PRKCB: variants seen among roughly 807,000 people sequenced by gnomAD.
PRKCB encodes the protein protein kinase C beta.
PRKCB carries 13 observed loss-of-function variants against 81.5 expected under a neutral mutation model. The observed-to-expected ratio is 0.16, with a 90% CI of 0.10 to 0.25. PRKCB has a LOEUF of 0.25. Ranked by LOEUF, PRKCB falls within the 10% of genes least tolerant of loss-of-function variation. The probability of loss-of-function intolerance (pLI) is 1.00; values close to 1 mark genes in which losing one functional copy is unlikely to be tolerated. For missense variants in PRKCB, 509 were observed against 875.7 expected, an observed-to-expected ratio of 0.58 and a Z score of 5.29; for synonymous variants, 335 against 321.4, an observed-to-expected ratio of 1.04 and a Z score of -0.45.
At chr16:23,929,956 C>T (rs1049996437) in intron 2 of PRKCB, among the ~76,000 whole-genome samples, 2 of 151,784 alleles carry the variant, frequency 1.3e-5, no homozygotes, top group African/African-American at 2.4e-5. Context: ...CCGGGACCCC[C>T]GAAAAAATCT....
chr16:24,189,800 A>G (rs1024887323), intron 15 of PRKCB, among the ~76,000 whole-genome samples: 9 of 152,242 alleles, frequency 5.9e-5, no homozygotes, highest in African/African-American at 2.2e-4. Context: ...ACTGTCCAAC[A>G]GTGTAGGAAT....
chr16:24,175,240 G>T (rs11649514), intron 12 of PRKCB, among the ~76,000 whole-genome samples: 10,223 of 152,136 alleles, frequency 0.067, 436 homozygotes, highest in South Asian at 0.12. Flanking sequence ...GGGCTGGTTT[G>T]TTATGCAAGA....
At chr16:23,902,243 A>G (rs1345259475) in intron 2 of PRKCB, among the ~76,000 whole-genome samples, 11 of 152,152 alleles carry the variant, frequency 7.2e-5, no homozygotes, top group Non-Finnish European at 1.6e-4. Flanking sequence ...CAAGAAGACA[A>G]TGAAAAAACA....
At chr16:24,111,442 T>A (rs570113140) in intron 7 of PRKCB, 8 of 152,000 alleles carry the variant, frequency 5.3e-5, no homozygotes, top group Non-Finnish European at 1.2e-4. Context: ...TCTTACTAGA[T>A]GAAAAAATCT....
intron 16 of PRKCB, among the ~76,000 whole-genome samples, chr16:24,197,733 C>T (rs1361591059): frequency 6.6e-6 from 1 of 152,060 alleles, no homozygotes; most frequent in Non-Finnish European, 1.5e-5. Context: ...GTTTGAGAAC[C>T]CCCAAGTTGG....
At chr16:24,084,478 A>G (rs1966289025) in intron 5 of PRKCB, among the ~76,000 whole-genome samples, 1 of 152,150 alleles carries the variant, frequency 6.6e-6, no homozygotes, top group African/African-American at 2.4e-5. Context: ...GGACAGATAA[A>G]AGCGGTTAAG....
chr16:24,021,072 C>CTCCCTCCCTTCT, intron 3 of PRKCB, among the ~76,000 whole-genome samples: 65 of 94,436 alleles, frequency 6.9e-4, no homozygotes, highest in African/African-American at 1.5e-3. Flanking sequence ...CCCTCCCTCC[C>CTCCCTCCCTTCT]TTCTTTCTTT....
chr16:24,034,758 T>C (rs1444180495), intron 4 of PRKCB, among the ~76,000 whole-genome samples: 1 of 152,114 alleles, frequency 6.6e-6, no homozygotes, highest in Admixed American at 6.5e-5. Context: ...GGAGACCAGA[T>C]GATTGTGGTG....
intron 5 of PRKCB, among the ~76,000 whole-genome samples, chr16:24,050,609 G>A (rs1311063214): frequency 1.3e-5 from 2 of 152,082 alleles, no homozygotes; most frequent in East Asian, 3.8e-4. Context: ...CACACACTCT[G>A]ATACATTCTC....
chr16:24,017,568 AG>A (rs1965295570), intron 3 of PRKCB, among the ~76,000 whole-genome samples: 3 of 152,358 alleles, frequency 2.0e-5, no homozygotes, highest in Non-Finnish European at 2.9e-5. Context: ...CAAAATTAAA[AG>A]GCAAATGAGA....
chr16:24,095,862 T>C (rs1966432073), intron 7 of PRKCB, among the ~76,000 whole-genome samples: 1 of 152,150 alleles, frequency 6.6e-6, no homozygotes, highest in African/African-American at 2.4e-5. Flanking sequence ...GTTGCAAATC[T>C]TGTGACCTCT....
intron 7 of PRKCB, among the ~76,000 whole-genome samples, chr16:24,103,869 G>A (rs527539779): frequency 6.6e-5 from 10 of 152,136 alleles, no homozygotes; most frequent in Non-Finnish European, 1.3e-4. Flanking sequence ...GCAACGCCGC[G>A]ATCTTGGCTC....
intron 16 of PRKCB, among the ~76,000 whole-genome samples, chr16:24,205,529 G>T (rs1968033698): frequency 6.6e-6 from 1 of 152,126 alleles, no homozygotes; most frequent in African/African-American, 2.4e-5. Context: ...TGGATCTCTT[G>T]TCAAATCTAG....
rs59543980 is a variant in PRKCB at position 24,215,986 on chromosome 16, T to TAA, written c.*1184_*1185dup. ...TTTTTCTTCTAGCATCGAGATACAA[T>TAA]AAAAAAAAAAAAAAAGAAAAGAAGA... is the stretch of plus-strand genomic sequence containing the variant. On this transcript the variant is annotated 3_prime_UTR_variant, in exon 17 of 17. Transcript: ENST00000643927. 963 of 906,676 alleles carry TAA rather than the reference T, an allele frequency of 1.1e-3. No homozygotes were observed. Among genetic ancestry groups the TAA allele is most frequent in the Non-Finnish European group, 1.1e-3 (886 of 774,598 alleles). 56.2% of individuals were successfully genotyped at this position (906,676 alleles called of 1,614,324 possible).
intron 2 of PRKCB, among the ~76,000 whole-genome samples, chr16:23,967,959 A>G (rs959423581): frequency 2.0e-5 from 3 of 152,016 alleles, no homozygotes; most frequent in South Asian, 2.1e-4. Flanking sequence ...CGGGCCTTTT[A>G]TGGTGTCTTT....
chr16:24,191,473 A>T, intron 16 of PRKCB: 1 of 408,548 alleles, frequency 2.4e-6, no homozygotes. Flanking sequence ...TCTTCGATTC[A>T]ATTATTGTAA....
At chr16:23,961,700 A>T (rs1051025160) in intron 2 of PRKCB, among the ~76,000 whole-genome samples, 1 of 150,400 alleles carries the variant, frequency 6.6e-6, no homozygotes, top group Non-Finnish European at 1.5e-5. Context: ...CTGAGTGTGG[A>T]TTTTTTTTTT....
intron 2 of PRKCB, among the ~76,000 whole-genome samples, chr16:23,961,466 C>A (rs1010863566): frequency 6.6e-6 from 1 of 152,206 alleles, no homozygotes; most frequent in Non-Finnish European, 1.5e-5. Context: ...ACTAATGAGG[C>A]AACAACAACT....
chr16:24,050,610 A>C (rs959788940), intron 5 of PRKCB, among the ~76,000 whole-genome samples: 3 of 152,144 alleles, frequency 2.0e-5, no homozygotes, highest in Non-Finnish European at 4.4e-5. Context: ...ACACACTCTG[A>C]TACATTCTCC....
Sources: allele counts gnomAD v4.1 joint callset (sites outside exome capture counted in the v4.1 genomes callset), GRCh38; gene constraint gnomAD v4.1.1; transcripts MANE v1.5; gene names NCBI Gene and HGNC (gene_info 2026-07-23, HGNC 2026-07-21).